XRCC4: variants seen among roughly 807,000 people sequenced by gnomAD.
The protein encoded by XRCC4 is DNA repair protein XRCC4.
In XRCC4, 28 loss-of-function variants were observed where a neutral mutation model predicts 39.1. The observed-to-expected ratio is 0.72, with a 90% CI of 0.53 to 0.98. The LOEUF is 0.98. XRCC4 is among the 50% of genes least tolerant of loss of function. The pLI, the probability that XRCC4 is intolerant of heterozygous loss-of-function variation, is 0.00. For synonymous variants in XRCC4, 123 were observed against 126.4 expected (o/e 0.97, Z 0.18); for missense variants, 350 against 376.4 (o/e 0.93, Z 0.58).
intron 7 of XRCC4, among the ~76,000 whole-genome samples, chr5:83,346,731 C>T (rs1202986325): frequency 6.6e-6 from 1 of 151,864 alleles, no homozygotes; most frequent in Non-Finnish European, 1.5e-5. Flanking sequence ...GTATAAGATA[C>T]AGATATTAGG....
chr5:83,229,716 A>G (rs1443328065), intron 6 of XRCC4, among the ~76,000 whole-genome samples: 1 of 140,536 alleles, frequency 7.1e-6, no homozygotes, highest in African/African-American at 2.8e-5. Flanking sequence ...ATACATTTGG[A>G]AAACACCGAG....
intron 3 of XRCC4, among the ~76,000 whole-genome samples, chr5:83,124,116 T>C (rs994316045): frequency 1.3e-5 from 2 of 152,144 alleles, no homozygotes; most frequent in Non-Finnish European, 2.9e-5. Flanking sequence ...TCAGTTTTTA[T>C]GTGCACTGTT....
chr5:83,246,599 A>T (rs1753110739), intron 6 of XRCC4, among the ~76,000 whole-genome samples: 1 of 152,148 alleles, frequency 6.6e-6, no homozygotes, highest in African/African-American at 2.4e-5. Flanking sequence ...AAGCAACATG[A>T]TGAATCATTT....
At chr5:83,367,620 A>G in the XRCC4 span, among the ~76,000 whole-genome samples, 1 of 152,146 alleles carries the variant, frequency 6.6e-6, no homozygotes, top group Non-Finnish European at 1.5e-5. Context: ...AACTTGACAT[A>G]CACACAGCAC....
intron 5 of XRCC4, among the ~76,000 whole-genome samples, chr5:83,203,937 A>G (rs1193014359): frequency 1.3e-5 from 2 of 152,110 alleles, no homozygotes; most frequent in Non-Finnish European, 2.9e-5. Flanking sequence ...AAAAACTGAC[A>G]TGAGGCTTAT....
At chr5:83,163,496 C>T (rs889778384) in intron 3 of XRCC4, among the ~76,000 whole-genome samples, 1 of 152,154 alleles carries the variant, frequency 6.6e-6, no homozygotes, top group Non-Finnish European at 1.5e-5. Flanking sequence ...AATTGCATGT[C>T]TGTTGACAGA....
intron 7 of XRCC4, chr5:83,310,743 G>A (rs190615816): frequency 2.6e-5 from 12 of 455,950 alleles, no homozygotes; most frequent in Admixed American, 7.1e-5. Context: ...GGTTATTCTG[G>A]ATTATCTGGA....
intron 3 of XRCC4, among the ~76,000 whole-genome samples, chr5:83,165,740 G>A: frequency 6.6e-6 from 1 of 151,966 alleles, no homozygotes; most frequent in East Asian, 1.9e-4. Context: ...CACAGTATTT[G>A]GTTTTCTGTT....
At chr5:83,174,999 G>T (rs537045642) in intron 3 of XRCC4, among the ~76,000 whole-genome samples, 2 of 152,230 alleles carry the variant, frequency 1.3e-5, no homozygotes, top group South Asian at 2.1e-4. Flanking sequence ...AATGTAGACT[G>T]CCTTGTTCAC....
At chr5:83,138,464 G>T (rs953845720) in intron 3 of XRCC4, among the ~76,000 whole-genome samples, 6 of 152,038 alleles carry the variant, frequency 3.9e-5, no homozygotes, top group African/African-American at 1.4e-4. Context: ...AGTAGACCCA[G>T]AACTTTCAAT....
At chr5:83,282,584 C>G (rs1442409116) in intron 7 of XRCC4, among the ~76,000 whole-genome samples, 2 of 152,094 alleles carry the variant, frequency 1.3e-5, no homozygotes, top group African/African-American at 2.4e-5. Flanking sequence ...TGGCTCACAC[C>G]TGTAATCCCA....
At chr5:83,292,584 C>T (rs2112979759) in intron 7 of XRCC4, among the ~76,000 whole-genome samples, 1 of 151,862 alleles carries the variant, frequency 6.6e-6, no homozygotes, top group Non-Finnish European at 1.5e-5. Flanking sequence ...ACTATATTCC[C>T]CAAATTAATG....
chr5:83,108,117 G>C (rs767771), intron 2 of XRCC4, among the ~76,000 whole-genome samples: 73,849 of 151,694 alleles, frequency 0.49, 18,775 homozygotes, highest in African/African-American at 0.62. Context: ...GTCATGTTGG[G>C]CTGCTCATGT....
intron 6 of XRCC4, among the ~76,000 whole-genome samples, chr5:83,241,471 C>T (rs907726368): frequency 9.2e-5 from 14 of 152,158 alleles, no homozygotes; most frequent in African/African-American, 3.1e-4. Context: ...CTTCCCTACT[C>T]TCAGTTCACT....
chr5:83,139,912 A>G (rs2112514257), intron 3 of XRCC4, among the ~76,000 whole-genome samples: 1 of 152,336 alleles, frequency 6.6e-6, no homozygotes, highest in East Asian at 1.9e-4. Context: ...ACTCATACAT[A>G]TACATTCACA....
chr5:83,347,273 G>A (rs184303259), intron 7 of XRCC4, among the ~76,000 whole-genome samples: 32 of 152,224 alleles, frequency 2.1e-4, no homozygotes, highest in African/African-American at 7.5e-4. Flanking sequence ...ATGCAAAATA[G>A]GATAGTAGAC....
At chr5:83,131,697 C>T (rs1179174027) in intron 3 of XRCC4, among the ~76,000 whole-genome samples, 1 of 152,128 alleles carries the variant, frequency 6.6e-6, no homozygotes, top group East Asian at 1.9e-4. Flanking sequence ...ACTAGGATTG[C>T]AACCCCTCCT....
At chr5:83,280,804 T>C (rs1580460352) in intron 7 of XRCC4, among the ~76,000 whole-genome samples, 1 of 152,208 alleles carries the variant, frequency 6.6e-6, no homozygotes, top group African/African-American at 2.4e-5. Flanking sequence ...ATTCAAACCA[T>C]ATCAATCTGT....
intron 7 of XRCC4, among the ~76,000 whole-genome samples, chr5:83,275,215 A>G (rs1368383774): frequency 4.6e-5 from 7 of 152,126 alleles, no homozygotes. Flanking sequence ...TAAATGGTGC[A>G]GCTTTCAGAC....
Sources: allele counts gnomAD v4.1 joint callset (sites outside exome capture counted in the v4.1 genomes callset), GRCh38; gene constraint gnomAD v4.1.1; transcripts MANE v1.5; gene names NCBI Gene and HGNC (gene_info 2026-07-23, HGNC 2026-07-21).